The following AKNA variants were observed in gnomAD, a reference collection of about 807,000 sequenced individuals.
AKNA encodes AT-hook transcription factor, also known as microtubule organization protein AKNA.
In AKNA, 67 loss-of-function variants were observed where a neutral mutation model predicts 138.8. The observed-to-expected ratio is 0.48, with a 90% CI of 0.40 to 0.59. The LOEUF is 0.59. Ranked by LOEUF, AKNA falls within the 20% of genes least tolerant of loss-of-function variation. The pLI, the probability that AKNA is intolerant of heterozygous loss-of-function variation, is 0.00. For synonymous variants in AKNA, 737 were observed against 754.4 expected (o/e 0.98, Z 0.38); for missense variants, 1,813 against 1,880.4 (o/e 0.96, Z 0.66).
chr9:114,381,042 G>A lies in AKNA; in HGVS notation c.274+18C>T, dbSNP rs1481655025. The A allele has an allele frequency of 1.1e-5, 16 of 1,514,832 alleles. No individual in the cohort carries two copies. The highest frequency in any genetic ancestry group is 1.4e-5 in the Non-Finnish European group (16 of 1,131,506). The allele number at this position is 1,514,832 out of a possible 1,614,324, so 93.8% of individuals were successfully genotyped here. A position where few individuals can be genotyped will look rare whatever the true frequency, so the allele number is the denominator to read the frequency against. On this transcript the variant is annotated intron_variant, in intron 2 of 21. Transcript: ENST00000374088. ...TGGGGACAGGACACCACTGTAGGGG[G>A]AGGGGTGTCAGTCTCACCTTCTCCC... is the stretch of plus-strand genomic sequence containing the variant.
At chr9:114,339,594 T>C (rs903316847) in intron 21 of AKNA, among the ~76,000 whole-genome samples, 4 of 152,160 alleles carry the variant, frequency 2.6e-5, no homozygotes, top group Non-Finnish European at 5.9e-5. Context: ...GAATGTGAAA[T>C]GGGGCCTCAG....
At chr9:114,375,794 T>C (rs1833124284) in intron 3 of AKNA, among the ~76,000 whole-genome samples, 1 of 152,158 alleles carries the variant, frequency 6.6e-6, no homozygotes, top group Non-Finnish European at 1.5e-5. Context: ...GTTTTAATTT[T>C]TTTATAGCAG....
chr9:114,397,279 A>G (rs574048950), upstream of AKNA, among the ~76,000 whole-genome samples: 1 of 152,346 alleles, frequency 6.6e-6, no homozygotes, highest in East Asian at 1.9e-4. Flanking sequence ...ACAGATGGGC[A>G]GCCATTGTTT....
In AKNA at chr9:114,364,061, T is replaced by G. The variant is rs930467660; in HGVS notation, c.1788+499A>C. Among the ~76,000 whole-genome samples the G allele has an allele frequency of 6.6e-5, 10 of 152,058 alleles. No individual in the cohort carries two copies. The East Asian group carries it at 1.7e-3, about 26-fold the overall frequency. ...ACAGGGTTTCCAAACTTTTGGCAAC[T>G]ATTTTGTAATTTTGTTTAAAGGCGA... On this transcript the variant is annotated intron_variant, in intron 7 of 21. Coordinates refer to ENST00000374088, the MANE Select transcript of AKNA (RefSeq NM_001317950.2).
chr9:114,368,987 TATATC>T (rs1415395056), intron 4 of AKNA, among the ~76,000 whole-genome samples: 1 of 152,224 alleles, frequency 6.6e-6, no homozygotes, highest in East Asian at 1.9e-4. Flanking sequence ...GTGTTATAAT[TATATC>T]ATAATTAATA....
intron 21 of AKNA, among the ~76,000 whole-genome samples, chr9:114,338,473 A>G (rs1486749137): frequency 6.6e-6 from 1 of 152,256 alleles, no homozygotes; most frequent in Non-Finnish European, 1.5e-5. Flanking sequence ...CAGTTCCTCC[A>G]ACAGTTAAAC....
chr9:114,355,979 G>A lies in AKNA; in HGVS notation c.3004C>T (p.Leu1002Phe), dbSNP rs932674758. 2 of 1,614,236 alleles carry A rather than the reference G, an allele frequency of 1.2e-6. No homozygotes were observed. Among genetic ancestry groups the A allele is most frequent in the Middle Eastern group, 1.6e-4 (1 of 6,062 alleles). Residue 1002 changes from leucine to phenylalanine, a missense_variant, in exon 14 of 22, where the codon CTC becomes TTC. Coordinates refer to ENST00000374088, the MANE Select transcript of AKNA (RefSeq NM_001317950.2). ...CTGAAGTTGGGTGCCCTCTGCCGGA[G>A]AGGCCCACTTGGGCTGGAGAGGTAC... The part of the protein sequence containing the change: ...QRYLSSPSGP[L>F]RQRAPNFSLE...
At position 114,381,041 on chromosome 9, in the gene AKNA, G is replaced by C; in HGVS notation, c.274+19C>G. 1 of 1,513,564 alleles carries C rather than the reference G, an allele frequency of 6.6e-7. No homozygotes were observed. Among genetic ancestry groups the C allele is most frequent in the Non-Finnish European group, 8.8e-7 (1 of 1,130,844 alleles). The allele number at this position is 1,513,564 out of a possible 1,614,324, so 93.8% of individuals were successfully genotyped here. ...TTGGGGACAGGACACCACTGTAGGG[G>C]GAGGGGTGTCAGTCTCACCTTCTCC... On this transcript the variant is annotated intron_variant, in intron 2 of 21. Transcript: ENST00000374088.
downstream of AKNA, among the ~76,000 whole-genome samples, chr9:114,331,382 G>T (rs1829848677): frequency 1.3e-5 from 2 of 152,074 alleles, no homozygotes; most frequent in African/African-American, 4.8e-5. Flanking sequence ...GAGATCTCAT[G>T]TACAGAAAGT....
At chr9:114,380,311 CAGT>C (rs1204011645) in intron 2 of AKNA, among the ~76,000 whole-genome samples, 1 of 152,146 alleles carries the variant, frequency 6.6e-6, no homozygotes, top group Non-Finnish European at 1.5e-5. Context: ...AAACGCCCAG[CAGT>C]AGGAGACTGG....
chr9:114,349,671 T>C (rs10817593), intron 15 of AKNA, among the ~76,000 whole-genome samples: 60,621 of 152,128 alleles, frequency 0.4, 13,591 homozygotes, highest in East Asian at 0.55. Context: ...TCATGGAATA[T>C]GCAGTGAATG....
At chr9:114,331,581 CAT>C (rs1564607676), downstream of AKNA, 2 of 1,613,816 alleles carry the variant, frequency 1.2e-6, no homozygotes, top group East Asian at 2.2e-5. Flanking sequence ...AGGCCGAGAA[CAT>C]GTTGCTCACC....
intron 7 of AKNA, among the ~76,000 whole-genome samples, chr9:114,364,346 C>T (rs10817596): frequency 0.42 from 63,155 of 151,816 alleles, 15,089 homozygotes; most frequent in Middle Eastern, 0.57. Flanking sequence ...TTACCACAGT[C>T]CCTGTACACA....
At chr9:114,348,757 C>G (rs183121523) in intron 15 of AKNA, 2 of 422,380 alleles carry the variant, frequency 4.7e-6, no homozygotes, top group African/African-American at 4.1e-5. Flanking sequence ...TACCCCTCCC[C>G]ACAAGACCCC....
At chr9:114,374,062 C>CCCATG in intron 4 of AKNA, 31 bp downstream of exon 4, 1 of 1,550,826 alleles carries the variant, frequency 6.4e-7, no homozygotes, top group Non-Finnish European at 8.7e-7. Flanking sequence ...GGGACTTGGG[C>CCCATG]CCATGCCTCC....
rs968296112 is a variant in AKNA at position 114,336,026 on chromosome 9, C to A, written c.*1028G>T. 1 of 152,220 alleles carries A rather than the reference C, an allele frequency of 6.6e-6. No individual in the cohort carries two copies. Among genetic ancestry groups the A allele is most frequent in the Non-Finnish European group, 1.5e-5 (1 of 68,052 alleles). The allele number at this position is 152,220 out of a possible 1,614,324, so 9.4% of individuals were successfully genotyped here. The stretch of plus-strand genomic sequence containing the variant: ...ACCAGAGGGAGGCAGGCAGAGCACC[C>A]AACAGGTCCCCTGGGAAAGGGCTTG... On this transcript the variant is annotated 3_prime_UTR_variant, in exon 22 of 22. Transcript: ENST00000374088.
At chr9:114,344,841 TG>T in intron 18 of AKNA, 1 of 155,834 alleles carries the variant, frequency 6.4e-6, no homozygotes, top group Non-Finnish European at 1.5e-5. Context: ...GAGGTGTTCC[TG>T]CTACTGTCGT....
intron 4 of AKNA, among the ~76,000 whole-genome samples, chr9:114,369,902 A>C (rs1223637244): frequency 1.3e-5 from 2 of 152,202 alleles, no homozygotes; most frequent in East Asian, 3.9e-4. Context: ...CACCGTCATC[A>C]TCGTAACCAT....
At chr9:114,342,155 G>A in intron 19 of AKNA, 30 bp from the exon 20 acceptor site, 1 of 1,475,964 alleles carries the variant, frequency 6.8e-7, no homozygotes, top group Non-Finnish European at 9.2e-7. Flanking sequence ...TGTCAGGGGA[G>A]GATTACATCT....
Sources: allele counts gnomAD v4.1 joint callset (sites outside exome capture counted in the v4.1 genomes callset), GRCh38; gene constraint gnomAD v4.1.1; transcripts MANE v1.5; gene names NCBI Gene and HGNC (gene_info 2026-07-23, HGNC 2026-07-21).